Variants in PPM1D observed in about 807,000 individuals in gnomAD.
The protein encoded by PPM1D is protein phosphatase, Mg2+/Mn2+ dependent 1D.
Under a neutral mutation model 58.3 loss-of-function variants are expected in PPM1D, and 52 were observed. The observed-to-expected ratio is 0.89, with a 90% confidence interval of 0.71 to 1.12. The LOEUF is 1.12. PPM1D is among the 50% of genes most tolerant of loss of function. PPM1D has a pLI of 0.00. For synonymous variants in PPM1D, 278 were observed against 285.1 expected (o/e 0.98, Z 0.25); for missense variants, 564 against 777.2 (o/e 0.73, Z 3.26).
chr17:60,613,307 T>G (rs1027210298), intron 1 of PPM1D, among the ~76,000 whole-genome samples: 5 of 152,370 alleles, frequency 3.3e-5, no homozygotes, highest in African/African-American at 1.2e-4. Flanking sequence ...ATAAGTATTT[T>G]CAAATTGCTT....
chr17:60,619,713 G>A (rs1408773679), intron 1 of PPM1D, among the ~76,000 whole-genome samples: 3 of 151,466 alleles, frequency 2.0e-5, no homozygotes, highest in African/African-American at 7.3e-5. Flanking sequence ...GGAACCTTCT[G>A]TCTCAGCCTC....
At chr17:60,607,615 A>C (rs1422886420) in intron 1 of PPM1D, among the ~76,000 whole-genome samples, 1 of 152,208 alleles carries the variant, frequency 6.6e-6, no homozygotes, top group Admixed American at 6.5e-5. Context: ...TAAGTTTTAA[A>C]GTTTGTATAG....
chr17:60,636,765 T>TCCTGGGCTCAAGTGTTCC (rs1164672449), intron 3 of PPM1D, among the ~76,000 whole-genome samples: 1 of 151,828 alleles, frequency 6.6e-6, no homozygotes, highest in Non-Finnish European at 1.5e-5. Flanking sequence ...GCCCCTAAAG[T>TCCTGGGCTCAAGTGTTCC]CCTGGGCTCA....
At chr17:60,626,025 C>G (rs762107400) in intron 2 of PPM1D, among the ~76,000 whole-genome samples, 7 of 152,088 alleles carry the variant, frequency 4.6e-5, no homozygotes, top group Non-Finnish European at 1.0e-4. Context: ...CATATACAAT[C>G]AAATATATTA....
At chr17:60,662,951 T>C in intron 5 of PPM1D, 44 bp from the exon 6 acceptor site, 2 of 1,524,900 alleles carry the variant, frequency 1.3e-6, no homozygotes, top group Non-Finnish European at 8.9e-7. Flanking sequence ...TGTTGAGTTC[T>C]GGGATAAATT....
intron 1 of PPM1D, among the ~76,000 whole-genome samples, chr17:60,604,959 C>T (rs2030298625): frequency 6.6e-6 from 1 of 152,168 alleles, no homozygotes; most frequent in African/African-American, 2.4e-5. Context: ...GCTGGGACTA[C>T]AGGCATGTGC....
intron 5 of PPM1D, chr17:60,657,193 C>A: frequency 1.4e-6 from 1 of 735,734 alleles, no homozygotes; most frequent in Non-Finnish European, 1.7e-6. Context: ...TTCATTTTAT[C>A]AGTAATAAGC....
chr17:60,611,686 T>G (rs1331778394), intron 1 of PPM1D, among the ~76,000 whole-genome samples: 1 of 152,160 alleles, frequency 6.6e-6, no homozygotes, highest in Non-Finnish European at 1.5e-5. Flanking sequence ...CCCAAAGCGC[T>G]GGGATTGTAG....
At chr17:60,610,325 T>C (rs2143629339) in intron 1 of PPM1D, among the ~76,000 whole-genome samples, 1 of 152,250 alleles carries the variant, frequency 6.6e-6, no homozygotes, top group African/African-American at 2.4e-5. Flanking sequence ...TTCTTCTGGG[T>C]CTTACTTTTT....
rs2031613845 is a variant in PPM1D at position 60,666,190 on chromosome 17, ATTTTC to A, written c.*2639_*2643del. On this transcript the variant is annotated 3_prime_UTR_variant, in exon 6 of 6. Coordinates refer to ENST00000305921, the MANE Select transcript of PPM1D (RefSeq NM_003620.4). ...GGTAATAGCATTAATGAACAATGTT[ATTTTC>A]ATCTTCCAGACATCTGGAAGATTGC... The A allele has an allele frequency of 7.2e-5, 11 of 152,244 alleles. No homozygotes were observed. In the South Asian group the frequency reaches 2.3e-3, roughly 32 times the overall value. 9.4% of individuals were successfully genotyped at this position (152,244 alleles called of 1,614,324 possible).
At position 60,613,226 on chromosome 17, in the gene PPM1D, A is replaced by G. The variant is rs1421148443; in HGVS notation, c.473-10295A>G. On this transcript the variant is annotated intron_variant, in intron 1 of 5. Coordinates refer to ENST00000305921, the MANE Select transcript of PPM1D (RefSeq NM_003620.4). ...TAGCCTTTTTTTTTTCATTTGGACT[A>G]TTTCTTCAGAAAAAAAATTCTCAAA... 2.0e-5 allele frequency among the ~76,000 whole-genome samples: 3 copies of G among 151,818 alleles called. No homozygotes were observed. In the South Asian group the frequency reaches 6.2e-4, roughly 32 times the overall value.
intron 2 of PPM1D, 128 bp downstream of exon 2, chr17:60,623,877 T>C: frequency 1.1e-6 from 1 of 879,574 alleles, no homozygotes; most frequent in East Asian, 2.7e-5. Flanking sequence ...GTTTTTTAGT[T>C]TGTCTGATGT....
intron 3 of PPM1D, among the ~76,000 whole-genome samples, chr17:60,639,954 A>G (rs1474406205): frequency 1.3e-5 from 2 of 152,372 alleles, no homozygotes; most frequent in Middle Eastern, 3.4e-3. Context: ...AGGGCAGTGT[A>G]GCTGGAACGG....
chr17:60,652,366 C>A (rs899395307), intron 4 of PPM1D, among the ~76,000 whole-genome samples: 3 of 151,888 alleles, frequency 2.0e-5, no homozygotes, highest in African/African-American at 4.8e-5. Flanking sequence ...TGTATATACA[C>A]CACATTTTCT....
rs1567974643 is a variant in PPM1D, at chr17:60,645,532, A to ATATATATGTATATATG, written c.827-2359_827-2358insATATATGTATATATGT. 4.4e-3 allele frequency among the ~76,000 whole-genome samples: 522 copies of ATATATATGTATATATG among 119,380 alleles called. 5 individuals carry two copies. The highest frequency in any genetic ancestry group is 0.021 in the African/African-American group (497 of 23,350). 78.3% of individuals were successfully genotyped at this position (119,380 alleles called of 152,430 possible). On this transcript the variant is annotated intron_variant, in intron 3 of 5. Transcript: ENST00000305921. ...TATGTGTATATATATGTATATATAT[A>ATATATATGTATATATG]TGTGTATATATATGTATATATATGT...
At chr17:60,607,681 G>A (rs1318970375) in intron 1 of PPM1D, among the ~76,000 whole-genome samples, 1 of 152,208 alleles carries the variant, frequency 6.6e-6, no homozygotes. Flanking sequence ...TCTTTTGATA[G>A]TTTAAAGAAG....
At chr17:60,601,346 T>C (rs1034319375) in intron 1 of PPM1D, among the ~76,000 whole-genome samples, 1 of 152,220 alleles carries the variant, frequency 6.6e-6, no homozygotes, top group Non-Finnish European at 1.5e-5. Context: ...GTGTCAGTTC[T>C]CCAGATTGAC....
chr17:60,641,085 T>G (rs977946792), intron 3 of PPM1D, among the ~76,000 whole-genome samples: 1 of 152,188 alleles, frequency 6.6e-6, no homozygotes, highest in Non-Finnish European at 1.5e-5. Flanking sequence ...TGTCTTTTTG[T>G]AGAGCGATTT....
chr17:60,644,962 A>G (rs986819635), intron 3 of PPM1D, among the ~76,000 whole-genome samples: 14 of 152,254 alleles, frequency 9.2e-5, no homozygotes, highest in African/African-American at 3.4e-4. Context: ...AGAAATAGAA[A>G]TATACCACAT....
Sources: allele counts gnomAD v4.1 joint callset (sites outside exome capture counted in the v4.1 genomes callset), GRCh38; gene constraint gnomAD v4.1.1; transcripts MANE v1.5; gene names NCBI Gene and HGNC (gene_info 2026-07-23, HGNC 2026-07-21).